Variants in MAP4K5 observed in about 807,000 individuals in gnomAD.
The protein encoded by MAP4K5 is mitogen-activated protein kinase kinase kinase kinase 5.
In MAP4K5, 82 loss-of-function variants were observed where a neutral mutation model predicts 135.6. The observed-to-expected ratio is 0.60, with a 90% CI of 0.51 to 0.73. The LOEUF is 0.73. MAP4K5 is among the 30% of genes least tolerant of loss of function. MAP4K5 has a pLI of 0.00. For missense variants in MAP4K5, 907 were observed against 1,010.9 expected, an observed-to-expected ratio of 0.90 and a Z score of 1.39; for synonymous variants, 347 against 335.0, an observed-to-expected ratio of 1.04 and a Z score of -0.39.
intron 2 of MAP4K5, among the ~76,000 whole-genome samples, chr14:50,517,023 CTAGTT>C (rs1595537940): frequency 6.6e-6 from 1 of 152,012 alleles, no homozygotes; most frequent in African/African-American, 2.4e-5. Flanking sequence ...TCCCACCAGT[CTAGTT>C]ATTATTTACT....
rs554669821 is a variant in MAP4K5 at position 50,453,814 on chromosome 14, C to T, written c.1015+2702G>A. 3.1e-4 allele frequency among the ~76,000 whole-genome samples: 47 copies of T among 152,188 alleles called. No individual in the cohort carries two copies. The South Asian group carries it at 9.3e-3, about 30-fold the overall frequency. Reference sequence around the variant, plus strand: ...CTTTCCAAAATCCTGTATTTCTTTTCCCTTGTTTGATGAAATCTTGAATGG... The same window carrying T: ...CTTTCCAAAATCCTGTATTTCTTTTTCCTTGTTTGATGAAATCTTGAATGG... On this transcript the variant is annotated intron_variant, in intron 14 of 32. Coordinates refer to ENST00000682126, the MANE Select transcript of MAP4K5 (RefSeq NM_006575.6).
intron 14 of MAP4K5, 52 bp downstream of exon 14, chr14:50,456,464 C>T (rs141194442): frequency 3.0e-5 from 38 of 1,273,426 alleles, no homozygotes; most frequent in African/African-American, 1.0e-4. Flanking sequence ...TACAAGAACA[C>T]GCAGCACAAC....
chr14:50,442,887 C>CAA, intron 20 of MAP4K5, 71 bp from the exon 21 acceptor site: 1 of 867,194 alleles, frequency 1.2e-6, no homozygotes, highest in East Asian at 2.7e-5. Context: ...AAATAACTAA[C>CAA]ATCATTGAAA....
intron 27 of MAP4K5, 75 bp from the exon 28 acceptor site, chr14:50,434,646 A>G: frequency 7.8e-7 from 1 of 1,285,858 alleles, no homozygotes; most frequent in Non-Finnish European, 1.1e-6. Context: ...AATAAAGTCA[A>G]CAGAAAGACT....
At chr14:50,476,686 T>C (rs950842116) in intron 6 of MAP4K5, among the ~76,000 whole-genome samples, 4 of 152,206 alleles carry the variant, frequency 2.6e-5, no homozygotes, top group Non-Finnish European at 4.4e-5. Context: ...GGTCTTGAAC[T>C]CCTGACCTCA....
intron 14 of MAP4K5, among the ~76,000 whole-genome samples, chr14:50,453,163 C>G (rs2036528274): frequency 6.6e-6 from 1 of 151,726 alleles, no homozygotes; most frequent in Admixed American, 6.6e-5. Flanking sequence ...AACTGTTAGG[C>G]TTATACTCTT....
intron 2 of MAP4K5, among the ~76,000 whole-genome samples, chr14:50,521,817 C>G (rs1256191353): frequency 6.6e-6 from 1 of 152,128 alleles, no homozygotes; most frequent in Non-Finnish European, 1.5e-5. Flanking sequence ...TTGTCCTTCT[C>G]AGAGAGTCAT....
chr14:50,514,036 C>G (rs1277640913), intron 2 of MAP4K5, among the ~76,000 whole-genome samples: 1 of 152,154 alleles, frequency 6.6e-6, no homozygotes, highest in Non-Finnish European at 1.5e-5. Flanking sequence ...AACCTCTATA[C>G]TCAATACTTT....
At chr14:50,516,540 C>T (rs927006273) in intron 2 of MAP4K5, among the ~76,000 whole-genome samples, 4 of 152,058 alleles carry the variant, frequency 2.6e-5, no homozygotes, top group Non-Finnish European at 5.9e-5. Flanking sequence ...AAAAAATTAG[C>T]CACACTTATG....
chr14:50,423,119 A>T lies in MAP4K5; in HGVS notation c.2453+2T>A. On this transcript the variant is annotated splice_donor_variant, in intron 32 of 32. Transcript: ENST00000682126. LOFTEE classifies it high-confidence loss of function. ...ATTAAATTAATACAACCAAACTATT[A>T]CCTGTCTGATCCTAATAAGCGGAAA... is the stretch of plus-strand genomic sequence containing the variant. 1 of 1,521,486 alleles carries T rather than the reference A, an allele frequency of 6.6e-7. No individual in the cohort carries two copies. The highest frequency in any genetic ancestry group is 9.1e-7 in the Non-Finnish European group (1 of 1,104,212). 94.2% of individuals were successfully genotyped at this position (1,521,486 alleles called of 1,614,324 possible). A position where few individuals can be genotyped will look rare whatever the true frequency, so the allele number is the denominator to read the frequency against.
intron 1 of MAP4K5, among the ~76,000 whole-genome samples, chr14:50,556,288 G>T: frequency 6.6e-6 from 1 of 152,114 alleles, no homozygotes; most frequent in South Asian, 2.1e-4. Flanking sequence ...GAAGTGCAGC[G>T]GCCTGAATCC....
intron 6 of MAP4K5, among the ~76,000 whole-genome samples, chr14:50,479,739 T>C (rs1200018964): frequency 1.3e-5 from 2 of 152,188 alleles, no homozygotes; most frequent in African/African-American, 2.4e-5. Flanking sequence ...ATGCCCAACA[T>C]TGTGAATTTT....
chr14:50,528,610 C>G (rs2038318910), intron 2 of MAP4K5, among the ~76,000 whole-genome samples: 1 of 151,856 alleles, frequency 6.6e-6, no homozygotes, highest in Non-Finnish European at 1.5e-5. Flanking sequence ...GTAGTCCCAG[C>G]TACTGAGGAG....
intron 3 of MAP4K5, among the ~76,000 whole-genome samples, chr14:50,497,711 T>G (rs1256715552): frequency 2.6e-5 from 4 of 152,214 alleles, no homozygotes; most frequent in Admixed American, 2.6e-4. Flanking sequence ...GCTTTAAACA[T>G]CTATTCAAAG....
At chr14:50,466,734 C>A in intron 10 of MAP4K5, 89 bp from the exon 11 acceptor site, 1 of 654,474 alleles carries the variant, frequency 1.5e-6, no homozygotes, top group East Asian at 2.8e-5. Context: ...TTATACAAGA[C>A]TACCACATAA....
intron 3 of MAP4K5, among the ~76,000 whole-genome samples, chr14:50,494,766 A>G (rs936393954): frequency 5.3e-5 from 8 of 152,194 alleles, no homozygotes; most frequent in Non-Finnish European, 1.2e-4. Flanking sequence ...CAGCCCAGAA[A>G]CAAACCCTCA....
intron 1 of MAP4K5, among the ~76,000 whole-genome samples, chr14:50,545,572 A>G (rs1282510337): frequency 6.6e-6 from 1 of 152,204 alleles, no homozygotes; most frequent in African/African-American, 2.4e-5. Context: ...CTAAGATGTT[A>G]AAGTACAATA....
chr14:50,474,366 G>A (rs1330206680), intron 9 of MAP4K5, among the ~76,000 whole-genome samples: 1 of 151,082 alleles, frequency 6.6e-6, no homozygotes, highest in Non-Finnish European at 1.5e-5. Flanking sequence ...CTCCAGCCAC[G>A]TGACAGAATG....
intron 11 of MAP4K5, among the ~76,000 whole-genome samples, chr14:50,466,029 G>A (rs2036825113): frequency 6.6e-6 from 1 of 152,098 alleles, no homozygotes; most frequent in Non-Finnish European, 1.5e-5. Flanking sequence ...AGCCGAGATT[G>A]CGCCACTGTA....
Sources: allele counts gnomAD v4.1 joint callset (sites outside exome capture counted in the v4.1 genomes callset), GRCh38; gene constraint gnomAD v4.1.1; transcripts MANE v1.5; gene names NCBI Gene and HGNC (gene_info 2026-07-23, HGNC 2026-07-21).